The following THAP2 variants were observed in gnomAD, a reference collection of about 807,000 sequenced individuals.
THAP2 encodes THAP domain-containing protein 2.
A neutral mutation model predicts 18.8 loss-of-function variants in THAP2; 16 were observed. The observed-to-expected ratio is 0.85, with a 90% CI of 0.58 to 1.29. The LOEUF is 1.29. THAP2 is among the 50% of genes most tolerant of loss of function. The probability of loss-of-function intolerance (pLI) is 0.00; values close to 1 mark genes in which losing one functional copy is unlikely to be tolerated. For missense variants in THAP2, 251 were observed against 265.3 expected, an observed-to-expected ratio of 0.95 and a Z score of 0.38; for synonymous variants, 80 against 89.2, an observed-to-expected ratio of 0.90 and a Z score of 0.58.
In THAP2 at chr12:71,677,112, T is replaced by C. The variant is rs1451527208; in HGVS notation, c.*4T>C. 1 of 1,571,350 alleles carries C rather than the reference T, an allele frequency of 6.4e-7. No homozygotes were observed. The highest frequency in any genetic ancestry group is 8.6e-7 in the Non-Finnish European group (1 of 1,158,990). ...GACCAAGAGTACCTTCATTTAAATT[T>C]AGCTTGCACAGAGCTTGATGCCTAT... On this transcript the variant is annotated 3_prime_UTR_variant, in exon 3 of 3. Coordinates refer to ENST00000308086, the MANE Select transcript of THAP2 (RefSeq NM_031435.4).
intron 1 of THAP2, among the ~76,000 whole-genome samples, chr12:71,672,050 G>A (rs1057478988): frequency 6.6e-6 from 1 of 152,164 alleles, no homozygotes; most frequent in Non-Finnish European, 1.5e-5. Flanking sequence ...TAGCAGGTTT[G>A]TAGATAAGGG....
At chr12:71,667,521 C>G (rs575635554) in intron 1 of THAP2, 14 of 152,272 alleles carry the variant, frequency 9.2e-5, no homozygotes, top group African/African-American at 3.4e-4. Flanking sequence ...CCAAACTTAC[C>G]CCCACTTCCT....
chr12:71,672,660 GATTT>G (rs932056681), intron 1 of THAP2, among the ~76,000 whole-genome samples: 12 of 151,650 alleles, frequency 7.9e-5, no homozygotes, highest in African/African-American at 2.7e-4. Context: ...AGTGGTCCTG[GATTT>G]ATTTATTTTG....
chr12:71,673,249 T>G (rs953265801), intron 1 of THAP2, among the ~76,000 whole-genome samples: 1 of 152,186 alleles, frequency 6.6e-6, no homozygotes, highest in African/African-American at 2.4e-5. Flanking sequence ...GACTGGTATC[T>G]ACATATATTT....
chr12:71,668,163 C>T (rs1013793570), intron 1 of THAP2, among the ~76,000 whole-genome samples: 1 of 152,098 alleles, frequency 6.6e-6, no homozygotes, highest in Admixed American at 6.5e-5. Flanking sequence ...TGTTTCATAA[C>T]ACTATTCTCT....
chr12:71,679,853 C>T lies in THAP2; in HGVS notation c.*2745C>T, dbSNP rs757515483. 1.3e-5 allele frequency: 2 copies of T among 152,124 alleles called. No homozygotes were observed. Among genetic ancestry groups the T allele is most frequent in the Non-Finnish European group, 2.9e-5 (2 of 67,986 alleles). 9.4% of individuals were successfully genotyped at this position (152,124 alleles called of 1,614,324 possible). A position where few individuals can be genotyped will look rare whatever the true frequency, so the allele number is the denominator to read the frequency against. ...AGCAAAGGAGGTACAAGGACATTGG[C>T]ATTTGACCTGAATTATGGTGTTTTA... On this transcript the variant is annotated 3_prime_UTR_variant, in exon 3 of 3. Transcript: ENST00000308086.
chr12:71,680,093 G>A lies in THAP2; in HGVS notation c.*2985G>A, dbSNP rs750796989. The A allele has an allele frequency of 7.2e-5, 11 of 152,152 alleles. No individual in the cohort carries two copies. The highest frequency in any genetic ancestry group is 1.3e-4 in the Non-Finnish European group (9 of 67,994). 9.4% of individuals were successfully genotyped at this position (152,152 alleles called of 1,614,324 possible). ...ACTCAGAATCGTATAAAGCACTTTGGTACTTATTTGTTCTCTTTTCCCTTA... is the reference window on the plus strand; with the variant it reads ...ACTCAGAATCGTATAAAGCACTTTGATACTTATTTGTTCTCTTTTCCCTTA... On this transcript the variant is annotated 3_prime_UTR_variant, in exon 3 of 3. Transcript: ENST00000308086.
At chr12:71,675,197 G>T (rs1047674075) in intron 2 of THAP2, among the ~76,000 whole-genome samples, 2 of 151,878 alleles carry the variant, frequency 1.3e-5, no homozygotes, top group African/African-American at 2.4e-5. Flanking sequence ...TTCCTCTGAG[G>T]AAAAACTACT....
At chr12:71,673,038 T>C (rs540114776) in intron 1 of THAP2, among the ~76,000 whole-genome samples, 2 of 152,284 alleles carry the variant, frequency 1.3e-5, no homozygotes, top group East Asian at 3.9e-4. Context: ...AGTAGTACAG[T>C]ATGTACTACA....
Position 71,677,732 on chromosome 12 carries a change from C to T in THAP2, c.*624C>T, listed in dbSNP as rs1392658092. On this transcript the variant is annotated 3_prime_UTR_variant, in exon 3 of 3. Transcript: ENST00000308086. ...GAATGTGAAGTACCATTGAGTCATCCAAACTAGGTAAGGCCTCAAGTACTT... is the reference window on the plus strand; with the variant it reads ...GAATGTGAAGTACCATTGAGTCATCTAAACTAGGTAAGGCCTCAAGTACTT... 1.3e-5 allele frequency: 2 copies of T among 151,972 alleles called. No homozygotes were observed. Among genetic ancestry groups the T allele is most frequent in the East Asian group, 3.9e-4 (2 of 5,180 alleles). 9.4% of individuals were successfully genotyped at this position (151,972 alleles called of 1,614,324 possible).
At chr12:71,667,858 A>T (rs982465887) in intron 1 of THAP2, 2 of 152,222 alleles carry the variant, frequency 1.3e-5, no homozygotes, top group Non-Finnish European at 2.9e-5. Flanking sequence ...GCAGTTTCAC[A>T]CTATTTTAGT....
intron 1 of THAP2, chr12:71,665,023 A>C (rs771899798): frequency 2.1e-5 from 15 of 700,496 alleles, no homozygotes; most frequent in Non-Finnish European, 3.4e-5. Flanking sequence ...TCACATAGTA[A>C]TTCTGCGGAG....
intron 1 of THAP2, among the ~76,000 whole-genome samples, chr12:71,672,267 A>G (rs1230277272): frequency 6.6e-6 from 1 of 152,150 alleles, no homozygotes; most frequent in Non-Finnish European, 1.5e-5. Flanking sequence ...GAACATCTGC[A>G]GCCTCTTGGT....
chr12:71,669,986 G>A (rs1233684280), intron 1 of THAP2, among the ~76,000 whole-genome samples: 2 of 150,490 alleles, frequency 1.3e-5, no homozygotes, highest in East Asian at 2.0e-4. Flanking sequence ...CTATTTTCTT[G>A]TAAAATAGAA....
chr12:71,674,520 C>A, intron 2 of THAP2, 122 bp downstream of exon 2: 1 of 814,574 alleles, frequency 1.2e-6, no homozygotes, highest in Non-Finnish European at 1.8e-6. Context: ...AGACCTTCCT[C>A]TTGTACAGTA....
At chr12:71,673,650 AAC>A (rs1288031897) in intron 1 of THAP2, among the ~76,000 whole-genome samples, 2 of 152,144 alleles carry the variant, frequency 1.3e-5, no homozygotes, top group East Asian at 3.8e-4. Context: ...ATAAATACAT[AAC>A]AAGATATAAT....
rs976562606 is a variant in THAP2 at position 71,679,297 on chromosome 12, T to C, written c.*2189T>C. On this transcript the variant is annotated 3_prime_UTR_variant, in exon 3 of 3. Coordinates refer to ENST00000308086, the MANE Select transcript of THAP2 (RefSeq NM_031435.4). Reference sequence around the variant, plus strand: ...TTAGAGTAAACTTTTCTGTGTTTTCTCCGTGATTTTCATTGTGCTGTCCTG... The same window carrying C: ...TTAGAGTAAACTTTTCTGTGTTTTCCCCGTGATTTTCATTGTGCTGTCCTG... The C allele has an allele frequency of 2.6e-5, 4 of 152,202 alleles. No homozygotes were observed. The highest frequency in any genetic ancestry group is 9.6e-5 in the African/African-American group (4 of 41,464). The allele number at this position is 152,202 out of a possible 1,614,324, so 9.4% of individuals were successfully genotyped here. A position where few individuals can be genotyped will look rare whatever the true frequency, so the allele number is the denominator to read the frequency against.
intron 1 of THAP2, among the ~76,000 whole-genome samples, chr12:71,672,581 C>CA (rs34398900): frequency 4.0e-5 from 6 of 151,730 alleles, no homozygotes; most frequent in African/African-American, 1.5e-4. Context: ...AGATATTTCA[C>CA]AAAAAGTGCA....
At chr12:71,664,988 T>C in intron 1 of THAP2, 2 of 702,242 alleles carry the variant, frequency 2.8e-6, no homozygotes, top group East Asian at 2.7e-5. Context: ...TGAATTGACA[T>C]GGGAGGCATT....
Sources: allele counts gnomAD v4.1 joint callset (sites outside exome capture counted in the v4.1 genomes callset), GRCh38; gene constraint gnomAD v4.1.1; transcripts MANE v1.5; gene names NCBI Gene and HGNC (gene_info 2026-07-23, HGNC 2026-07-21).